Variants in DNAI1 observed in about 807,000 individuals in gnomAD.
The protein encoded by DNAI1 is dynein axonemal intermediate chain 1.
DNAI1 carries 67 observed loss-of-function variants against 92.0 expected under a neutral mutation model. That is an observed-to-expected ratio of 0.73 (90% CI 0.60 to 0.89). The LOEUF (loss-of-function observed/expected upper bound fraction) is 0.89. Among genes scored for constraint, DNAI1 ranks in the 40% least tolerant of loss-of-function variants. DNAI1 has a pLI of 0.00. For missense variants in DNAI1, 839 were observed against 866.6 expected (o/e 0.97, Z 0.40); for synonymous variants, 323 against 319.6 (o/e 1.01, Z -0.11).
chr9:34,480,614 A>G (rs968046315), intron 1 of DNAI1, among the ~76,000 whole-genome samples: 1 of 152,070 alleles, frequency 6.6e-6, no homozygotes. Context: ...CTCCACCTAG[A>G]CAATGCATAC....
At chr9:34,469,260 CTTTTTT>C (rs35082433) in intron 1 of DNAI1, among the ~76,000 whole-genome samples, 3 of 80,188 alleles carry the variant, frequency 3.7e-5, no homozygotes, top group Non-Finnish European at 7.2e-5. Context: ...AATGGAATGG[CTTTTTT>C]TTTTTTTTTT....
At chr9:34,519,496 G>A (rs1420867667) in intron 19 of DNAI1, among the ~76,000 whole-genome samples, 1 of 152,106 alleles carries the variant, frequency 6.6e-6, no homozygotes, top group East Asian at 1.9e-4. Flanking sequence ...AGGAGAGAGG[G>A]AAGAGAGAGA....
chr9:34,485,379 C>T (rs1367882377), intron 3 of DNAI1, 58 bp from the exon 4 acceptor site: 1 of 1,600,800 alleles, frequency 6.2e-7, no homozygotes, highest in African/African-American at 1.3e-5. Flanking sequence ...TCCTTCTAAG[C>T]CTCAGATAGG....
chr9:34,464,108 C>T (rs1263405989), intron 1 of DNAI1, among the ~76,000 whole-genome samples: 2 of 152,144 alleles, frequency 1.3e-5, no homozygotes, highest in East Asian at 3.8e-4. Context: ...ATATACACTG[C>T]CACCTCCCTA....
intron 1 of DNAI1, among the ~76,000 whole-genome samples, chr9:34,460,382 T>C (rs753506500): frequency 3.3e-5 from 5 of 152,230 alleles, no homozygotes; most frequent in African/African-American, 7.2e-5. Context: ...TCTAGGTACA[T>C]TGAGGTTTAG....
intron 1 of DNAI1, among the ~76,000 whole-genome samples, chr9:34,476,461 T>C (rs1447013763): frequency 6.6e-6 from 1 of 152,158 alleles, no homozygotes; most frequent in African/African-American, 2.4e-5. Context: ...GGAAGCTGCT[T>C]ATGGAAAAAG....
At chr9:34,511,473 G>A (rs1825063420) in intron 13 of DNAI1, among the ~76,000 whole-genome samples, 1 of 152,104 alleles carries the variant, frequency 6.6e-6, no homozygotes, top group Non-Finnish European at 1.5e-5. Context: ...GCCAAGCCTG[G>A]AAGAGGTGGG....
chr9:34,469,327 A>G (rs1356521372), intron 1 of DNAI1, among the ~76,000 whole-genome samples: 3 of 133,678 alleles, frequency 2.2e-5, no homozygotes, highest in Non-Finnish European at 4.6e-5. Context: ...GTGCAATGGC[A>G]TGCTCACAGC....
At chr9:34,460,819 T>C (rs1823938897) in intron 1 of DNAI1, among the ~76,000 whole-genome samples, 1 of 150,620 alleles carries the variant, frequency 6.6e-6, no homozygotes, top group Admixed American at 6.6e-5. Flanking sequence ...CCACCATGCC[T>C]GGCTAATTTT....
chr9:34,475,004 TG>T (rs1486849525), intron 1 of DNAI1, among the ~76,000 whole-genome samples: 1 of 152,230 alleles, frequency 6.6e-6, no homozygotes, highest in Non-Finnish European at 1.5e-5. Context: ...CAACAATGTA[TG>T]TGTGCCTGTT....
intron 2 of DNAI1, among the ~76,000 whole-genome samples, chr9:34,484,736 A>C (rs1462862106): frequency 6.6e-6 from 1 of 152,212 alleles, no homozygotes; most frequent in African/African-American, 2.4e-5. Flanking sequence ...TATAAATTAG[A>C]GTTGAAGTAA....
chr9:34,517,458 G>T lies in DNAI1; in HGVS notation c.1992G>T (p.Lys664Asn), dbSNP rs1380959008. The change falls in exon 19 of 20, where the codon AAG becomes AAT. Residue 664 changes from lysine to asparagine, a missense_variant. Physicochemically the swap from Lys to Asn is moderately conservative, Grantham distance 94 (BLOSUM62 0). Coordinates refer to ENST00000242317, the MANE Select transcript of DNAI1 (RefSeq NM_012144.4). Reference sequence around the variant, plus strand: ...TCAAGCTCTCACCCAATTTGCGCAAGATGCCAAAGGTACAGGCTCTGGGAC... The same window carrying T: ...TCAAGCTCTCACCCAATTTGCGCAATATGCCAAAGGTACAGGCTCTGGGAC... Reference protein sequence around the residue: ...ISLKLSPNLRKMPKEKKGQEV... With the variant: ...ISLKLSPNLRNMPKEKKGQEV... 4 of 1,614,092 alleles carry T rather than the reference G, an allele frequency of 2.5e-6. No individual in the cohort carries two copies. The highest frequency in any genetic ancestry group is 1.3e-5 in the African/African-American group (1 of 74,924).
chr9:34,489,610 G>A (rs1054846953), intron 5 of DNAI1, among the ~76,000 whole-genome samples, 161 bp downstream of exon 5: 3 of 152,178 alleles, frequency 2.0e-5, no homozygotes, highest in Admixed American at 1.3e-4. Flanking sequence ...AGCACTTTGG[G>A]AGGCTGAGGC....
At chr9:34,517,183 A>G in intron 18 of DNAI1, 102 bp from the exon 19 acceptor site, 1 of 1,294,720 alleles carries the variant, frequency 7.7e-7, no homozygotes, top group Non-Finnish European at 1.1e-6. Context: ...GCTAGCCATT[A>G]GCCTTCTACA....
At chr9:34,519,523 G>A (rs1587095936) in intron 19 of DNAI1, among the ~76,000 whole-genome samples, 2 of 152,260 alleles carry the variant, frequency 1.3e-5, no homozygotes, top group Non-Finnish European at 2.9e-5. Context: ...GCTTTTTTGT[G>A]CTCTGCCTGC....
At chr9:34,473,296 T>C (rs1824175531) in intron 1 of DNAI1, among the ~76,000 whole-genome samples, 1 of 150,056 alleles carries the variant, frequency 6.7e-6, no homozygotes, top group Admixed American at 6.7e-5. Flanking sequence ...TTATTATTAT[T>C]ATTATTATTA....
chr9:34,513,782 C>T (rs1458790302), intron 16 of DNAI1, among the ~76,000 whole-genome samples: 1 of 152,206 alleles, frequency 6.6e-6, no homozygotes, highest in Non-Finnish European at 1.5e-5. Context: ...TCCCCACCCC[C>T]TCTTCACCCC....
In DNAI1 at chr9:34,518,723, T is replaced by C. The variant is rs184124344; in HGVS notation, c.2001+1256T>C. Among the ~76,000 whole-genome samples, 325 of 152,336 alleles carry C rather than the reference T, an allele frequency of 2.1e-3. 1 individual carries two copies. The highest frequency in any genetic ancestry group is 3.7e-3 in the Non-Finnish European group (255 of 68,032). ...TCCAGGAGGGATGATGGTCATTCTT[T>C]GGGGGAGGAGTACAGCCATGACACC... On this transcript the variant is annotated intron_variant, in intron 19 of 19. Transcript: ENST00000242317.
chr9:34,501,589 A>C (rs559496236), intron 12 of DNAI1, among the ~76,000 whole-genome samples: 1 of 152,212 alleles, frequency 6.6e-6, no homozygotes, highest in Non-Finnish European at 1.5e-5. Flanking sequence ...ATTCAAGGAC[A>C]GGGACATGAC....
Sources: gnomAD v4.1 joint callset for allele counts (sites outside exome capture counted in the v4.1 genomes callset) on GRCh38, gnomAD v4.1.1 for gene constraint, MANE v1.5 for transcripts, NCBI Gene and HGNC (gene_info 2026-07-23, HGNC 2026-07-21) for gene names.